The following RBMS3 variants were observed in gnomAD, a reference collection of about 807,000 sequenced individuals.
RBMS3 encodes RNA-binding motif, single-stranded-interacting protein 3.
In RBMS3, 27 loss-of-function variants were observed where a neutral mutation model predicts 66.8. That is an observed-to-expected ratio of 0.40 (90% CI 0.30 to 0.56). The LOEUF is 0.56. Among genes scored for constraint, RBMS3 ranks in the 20% least tolerant of loss-of-function variants. The pLI is 0.40. For missense variants in RBMS3, 513 were observed against 549.5 expected (o/e 0.93, Z 0.66); for synonymous variants, 188 against 183.0 (o/e 1.03, Z -0.22).
At chr3:29,369,358 G>A (rs1448272573) in intron 1 of RBMS3, among the ~76,000 whole-genome samples, 1 of 151,792 alleles carries the variant, frequency 6.6e-6, no homozygotes, top group Non-Finnish European at 1.5e-5. Context: ...TGGTGCAAAA[G>A]CAATTGTGTT....
At chr3:29,435,836 A>G (rs368948083) in intron 2 of RBMS3, among the ~76,000 whole-genome samples, 71 of 152,028 alleles carry the variant, frequency 4.7e-4, no homozygotes, top group East Asian at 4.1e-3. Flanking sequence ...TTAGACGGGC[A>G]TGGTGGCGGG....
At chr3:29,804,396 T>C (rs1297896585) in intron 6 of RBMS3, among the ~76,000 whole-genome samples, 2 of 152,074 alleles carry the variant, frequency 1.3e-5, no homozygotes, top group Non-Finnish European at 2.9e-5. Context: ...TTATATTCTA[T>C]TTGCTTTAAT....
chr3:29,542,318 G>A (rs2149013952), intron 3 of RBMS3, among the ~76,000 whole-genome samples: 1 of 152,088 alleles, frequency 6.6e-6, no homozygotes, highest in South Asian at 2.1e-4. Flanking sequence ...CTAACAAGCA[G>A]GTGGTATTAT....
chr3:29,404,955 C>A (rs2039953398), intron 1 of RBMS3, among the ~76,000 whole-genome samples: 1 of 152,046 alleles, frequency 6.6e-6, no homozygotes, highest in Non-Finnish European at 1.5e-5. Context: ...TGCTCTTTAA[C>A]CCTTTCTGAA....
At chr3:29,786,776 C>T (rs538966127) in intron 6 of RBMS3, among the ~76,000 whole-genome samples, 1 of 152,056 alleles carries the variant, frequency 6.6e-6, no homozygotes, top group Admixed American at 6.6e-5. Flanking sequence ...TAGACATTGG[C>T]TTAGGCAAGT....
At chr3:29,967,437 A>G (rs1696923423) in intron 12 of RBMS3, among the ~76,000 whole-genome samples, 1 of 152,168 alleles carries the variant, frequency 6.6e-6, no homozygotes, top group Non-Finnish European at 1.5e-5. Flanking sequence ...CTTGGAATAC[A>G]GGTGTGTGTC....
At chr3:29,855,807 G>A (rs367703123) in intron 6 of RBMS3, among the ~76,000 whole-genome samples, 4 of 152,312 alleles carry the variant, frequency 2.6e-5, no homozygotes, top group East Asian at 3.9e-4. Flanking sequence ...TGCCTTCCAC[G>A]CTGGAAAATA....
At chr3:29,350,763 G>A (rs1027528414) in intron 1 of RBMS3, among the ~76,000 whole-genome samples, 4 of 151,900 alleles carry the variant, frequency 2.6e-5, no homozygotes, top group Non-Finnish European at 5.9e-5. Context: ...TTCTTTTAAT[G>A]TTAAGGAATA....
rs114754366 is a variant in RBMS3 at position 29,341,123 on chromosome 3, G to A, written c.75+59367G>A. ...GTAAATATGAAAAATCCCTGTATTT[G>A]TAGAAATAAAAATCCATATATAAAA... is the stretch of plus-strand genomic sequence containing the variant. On this transcript the variant is annotated intron_variant, in intron 1 of 14. Transcript: ENST00000383767. Among the ~76,000 whole-genome samples, 933 of 152,030 alleles carry A rather than the reference G, an allele frequency of 6.1e-3. 9 individuals are homozygous for A. Among genetic ancestry groups the A allele is most frequent in the African/African-American group, 0.022 (898 of 41,490 alleles).
At chr3:29,676,113 A>G (rs937504583) in intron 4 of RBMS3, among the ~76,000 whole-genome samples, 6 of 152,338 alleles carry the variant, frequency 3.9e-5, no homozygotes, top group South Asian at 2.1e-4. Context: ...GGATGAGTTC[A>G]TGTCCTTTGT....
At chr3:29,374,398 A>C (rs1414417908) in intron 1 of RBMS3, among the ~76,000 whole-genome samples, 1 of 152,200 alleles carries the variant, frequency 6.6e-6, no homozygotes, top group African/African-American at 2.4e-5. Flanking sequence ...GTTACATCAT[A>C]GAAACTTGGA....
At chr3:29,597,979 T>C (rs1044443344) in intron 4 of RBMS3, among the ~76,000 whole-genome samples, 24 of 152,134 alleles carry the variant, frequency 1.6e-4, no homozygotes, top group Admixed American at 1.4e-3. Context: ...TGAATTTTAC[T>C]CTTTTCTGAT....
intron 1 of RBMS3, among the ~76,000 whole-genome samples, chr3:29,319,332 G>T (rs1233948234): frequency 6.6e-6 from 1 of 151,910 alleles, no homozygotes; most frequent in African/African-American, 2.4e-5. Flanking sequence ...TTCTCTAAAT[G>T]GAATTCACAT....
At chr3:29,335,824 C>G (rs1379114125) in intron 1 of RBMS3, among the ~76,000 whole-genome samples, 1 of 152,050 alleles carries the variant, frequency 6.6e-6, no homozygotes, top group Non-Finnish European at 1.5e-5. Context: ...TCTCTCTTCC[C>G]TCCTTCCTTT....
intron 6 of RBMS3, among the ~76,000 whole-genome samples, chr3:29,808,071 C>A (rs1214745585): frequency 6.6e-6 from 1 of 151,832 alleles, no homozygotes; most frequent in Non-Finnish European, 1.5e-5. Context: ...TGTAGTAATC[C>A]ATGGTTTATG....
At chr3:29,611,786 A>C (rs2149134578) in intron 4 of RBMS3, among the ~76,000 whole-genome samples, 1 of 152,140 alleles carries the variant, frequency 6.6e-6, no homozygotes, top group Non-Finnish European at 1.5e-5. Context: ...AAAAACTAAA[A>C]GTTTTTAGAG....
At chr3:29,922,431 G>A (rs1324983269) in intron 10 of RBMS3, among the ~76,000 whole-genome samples, 1 of 150,182 alleles carries the variant, frequency 6.7e-6, no homozygotes, top group East Asian at 1.9e-4. Context: ...AGCTTTCAGT[G>A]AGCCGAGATT....
At chr3:29,887,894 G>A (rs954928402) in intron 8 of RBMS3, among the ~76,000 whole-genome samples, 5 of 151,670 alleles carry the variant, frequency 3.3e-5, no homozygotes, top group African/African-American at 9.7e-5. Flanking sequence ...GTTACAAATC[G>A]ACATAGAAAA....
At chr3:29,353,164 G>A (rs7427457) in intron 1 of RBMS3, among the ~76,000 whole-genome samples, 36,649 of 151,346 alleles carry the variant, frequency 0.24, 4,685 homozygotes, top group Non-Finnish European at 0.28. Flanking sequence ...TCTGATTCTG[G>A]CTTCCCATTT....
Sources: gnomAD v4.1 joint callset for allele counts (sites outside exome capture counted in the v4.1 genomes callset) on GRCh38, gnomAD v4.1.1 for gene constraint, MANE v1.5 for transcripts, NCBI Gene and HGNC (gene_info 2026-07-23, HGNC 2026-07-21) for gene names.